The following TCAF1 variants were observed in gnomAD, a reference collection of about 807,000 sequenced individuals.
The protein encoded by TCAF1 is TRPM8 channel associated factor 1.
Under a neutral mutation model 27.3 loss-of-function variants are expected in TCAF1, and 4 were observed. The observed-to-expected ratio is 0.15, with a 90% CI of 0.07 to 0.34. The LOEUF (loss-of-function observed/expected upper bound fraction) is 0.34, where lower values mean the gene tolerates loss of function less well. Ranked by LOEUF, TCAF1 falls within the 10% of genes least tolerant of loss-of-function variation. The pLI is 1.00. For synonymous variants in TCAF1, 105 were observed against 167.1 expected, an observed-to-expected ratio of 0.63 and a Z score of 2.87; for missense variants, 257 against 425.8, an observed-to-expected ratio of 0.60 and a Z score of 3.49.
intron 1 of TCAF1, among the ~76,000 whole-genome samples, chr7:143,879,532 T>A (rs1812903528): frequency 6.6e-6 from 1 of 152,184 alleles, no homozygotes; most frequent in African/African-American, 2.4e-5. Context: ...GCTTCAAAGG[T>A]GTGCCTATCT....
rs1481474387 is a variant in TCAF1, at chr7:143,852,716, CATTT to C, written c.*1413_*1416del. ...TGTGTTGAGCTAATCGTGATGACCT[CATTT>C]GTTTTCTCCCTGGCCACTTTAATAT... On this transcript the variant is annotated 3_prime_UTR_variant, in exon 9 of 9. Transcript: ENST00000479870. 6.6e-6 allele frequency: 1 copy of C among 151,614 alleles called. No individual in the cohort carries two copies. Among genetic ancestry groups the C allele is most frequent in the Non-Finnish European group, 1.5e-5 (1 of 67,936 alleles). The allele number at this position is 151,614 out of a possible 1,614,324, so 9.4% of individuals were successfully genotyped here.
chr7:143,887,466 T>G (rs773132007), intron 1 of TCAF1, among the ~76,000 whole-genome samples: 19 of 152,198 alleles, frequency 1.2e-4, no homozygotes, highest in Non-Finnish European at 2.4e-4. Context: ...CAGTAATTTT[T>G]TTCTTTAGAC....
chr7:143,883,205 T>C (rs1215607430), intron 1 of TCAF1, among the ~76,000 whole-genome samples: 3 of 152,300 alleles, frequency 2.0e-5, no homozygotes, highest in Admixed American at 6.5e-5. Flanking sequence ...CGTGATATAT[T>C]GCCAAGGGGA....
chr7:143,901,211 TCAA>T (rs1343122863), intron 1 of TCAF1, among the ~76,000 whole-genome samples: 1 of 152,220 alleles, frequency 6.6e-6, no homozygotes, highest in African/African-American at 2.4e-5. Context: ...AACCAATTCA[TCAA>T]CAAATCACTA....
chr7:143,891,249 CA>C (rs1813624575), intron 1 of TCAF1, among the ~76,000 whole-genome samples: 1 of 151,916 alleles, frequency 6.6e-6, no homozygotes, highest in African/African-American at 2.4e-5. Context: ...TGCATTGAAT[CA>C]AAAATTAGGA....
chr7:143,893,231 T>C (rs914959831), intron 1 of TCAF1, among the ~76,000 whole-genome samples: 1 of 152,250 alleles, frequency 6.6e-6, no homozygotes, highest in Non-Finnish European at 1.5e-5. Context: ...AATACAAAAA[T>C]TTTAAATTTG....
intron 6 of TCAF1, among the ~76,000 whole-genome samples, chr7:143,859,961 T>TA (rs1811855383): frequency 1.2e-4 from 5 of 41,444 alleles, no homozygotes; most frequent in Non-Finnish European, 2.4e-4. Context: ...TATTACGGAA[T>TA]ATATATTATA....
intron 2 of TCAF1, 44 bp downstream of exon 2, chr7:143,875,945 T>G: frequency 6.6e-7 from 1 of 1,509,728 alleles, no homozygotes; most frequent in Non-Finnish European, 8.9e-7. Flanking sequence ...CTGGGTCTGC[T>G]TTTCAACCCT....
chr7:143,897,915 T>C (rs1813961208), intron 1 of TCAF1, among the ~76,000 whole-genome samples: 1 of 152,122 alleles, frequency 6.6e-6, no homozygotes, highest in Admixed American at 6.5e-5. Flanking sequence ...CAGAAAAGTA[T>C]AATTACATGC....
chr7:143,892,632 T>C (rs534014571), intron 1 of TCAF1, among the ~76,000 whole-genome samples: 1 of 152,010 alleles, frequency 6.6e-6, no homozygotes, highest in Non-Finnish European at 1.5e-5. Flanking sequence ...CAACCTTGCT[T>C]AAACCCAATA....
At chr7:143,882,623 C>T in intron 1 of TCAF1, 1 of 985,492 alleles carries the variant, frequency 1.0e-6, no homozygotes, top group Non-Finnish European at 1.2e-6. Context: ...CCATCGCGCC[C>T]CGCACCCCCG....
chr7:143,879,646 G>A (rs4726652), intron 1 of TCAF1, among the ~76,000 whole-genome samples: 68,545 of 151,916 alleles, frequency 0.45, 16,943 homozygotes, highest in Admixed American at 0.56. Flanking sequence ...AAATTACAAA[G>A]GGAGATAAAT....
At chr7:143,889,252 T>C (rs948217444) in intron 1 of TCAF1, among the ~76,000 whole-genome samples, 1 of 152,144 alleles carries the variant, frequency 6.6e-6, no homozygotes, top group Non-Finnish European at 1.5e-5. Flanking sequence ...AGAGTTATTA[T>C]TGAAAGAAAT....
chr7:143,901,503 C>T (rs1814109206), intron 1 of TCAF1, among the ~76,000 whole-genome samples: 3 of 152,176 alleles, frequency 2.0e-5, no homozygotes, highest in African/African-American at 7.2e-5. Flanking sequence ...CCCCGCGCCG[C>T]TCTCACCGCC....
intron 1 of TCAF1, among the ~76,000 whole-genome samples, chr7:143,887,551 T>C (rs1813467709): frequency 6.6e-6 from 1 of 152,186 alleles, no homozygotes; most frequent in Non-Finnish European, 1.5e-5. Flanking sequence ...ATACCACTTT[T>C]AGGTGTGTAC....
chr7:143,860,022 ATATAT>A (rs1811918338), intron 6 of TCAF1, among the ~76,000 whole-genome samples, 181 bp downstream of exon 6: 1 of 38,264 alleles, frequency 2.6e-5, no homozygotes, highest in Non-Finnish European at 5.2e-5. Context: ...AATATATATT[ATATAT>A]TATATATATA....
chr7:143,881,726 G>C (rs1813036251), intron 1 of TCAF1, among the ~76,000 whole-genome samples: 1 of 152,000 alleles, frequency 6.6e-6, no homozygotes, highest in Non-Finnish European at 1.5e-5. Flanking sequence ...ATCCCCATAG[G>C]AGTAAGCAGG....
Position 143,889,996 on chromosome 7 carries a change from C to CT in TCAF1, c.-15+11964dup, listed in dbSNP as rs567644780. On this transcript the variant is annotated intron_variant, in intron 1 of 8. Transcript: ENST00000479870. ...AAATCTGTGAAGGGCACCCATTTTT[C>CT]TTTTTTTTTTGAGACGGAGTCTCGC... Among the ~76,000 whole-genome samples, 72 of 145,334 alleles carry CT rather than the reference C, an allele frequency of 5.0e-4. No homozygotes were observed. The South Asian group carries it at 5.5e-3, about 11-fold the overall frequency.
rs1403339553 is a variant in TCAF1 at position 143,852,209 on chromosome 7, TTTC to T, written c.*1921_*1923del. On this transcript the variant is annotated 3_prime_UTR_variant, in exon 9 of 9. Coordinates refer to ENST00000479870, the MANE Select transcript of TCAF1 (RefSeq NM_014719.3). ...TTTTTTGACATATTGTTGATTTGTC[TTTC>T]TTTTTTCTTGACTAAATAATCTTCT... The T allele has an allele frequency of 6.6e-6, 1 of 151,800 alleles. No homozygotes were observed. The highest frequency in any genetic ancestry group is 1.5e-5 in the Non-Finnish European group (1 of 68,008). The allele number at this position is 151,800 out of a possible 1,614,324, so 9.4% of individuals were successfully genotyped here.
Sources: gnomAD v4.1 joint callset for allele counts (sites outside exome capture counted in the v4.1 genomes callset) on GRCh38, gnomAD v4.1.1 for gene constraint, MANE v1.5 for transcripts, NCBI Gene and HGNC (gene_info 2026-07-23, HGNC 2026-07-21) for gene names.